The following CCT6B variants were observed in gnomAD, a reference collection of about 807,000 sequenced individuals.
The protein encoded by CCT6B is probable T-complex protein 1 subunit zeta-2.
CCT6B carries 49 observed loss-of-function variants against 61.5 expected under a neutral mutation model. That is an observed-to-expected ratio of 0.80 (90% CI 0.63 to 1.01). CCT6B has a LOEUF of 1.01. Ranked by LOEUF, CCT6B falls within the 50% of genes least tolerant of loss-of-function variation. The pLI is 0.00. For missense variants in CCT6B, 666 were observed against 634.7 expected (o/e 1.05, Z -0.53); for synonymous variants, 228 against 214.5 (o/e 1.06, Z -0.55).
intron 13 of CCT6B, among the ~76,000 whole-genome samples, chr17:34,928,519 C>T (rs556784494): frequency 9.1e-4 from 139 of 152,252 alleles, no homozygotes; most frequent in African/African-American, 3.1e-3. Flanking sequence ...GTGATTCACC[C>T]GCCTCGGCCT....
chr17:34,956,515 C>T (rs1410327894), intron 3 of CCT6B, among the ~76,000 whole-genome samples: 1 of 152,144 alleles, frequency 6.6e-6, no homozygotes, highest in Non-Finnish European at 1.5e-5. Flanking sequence ...GTTAGCATCT[C>T]ACCCTTGCCA....
At chr17:34,937,576 G>C (rs983070361) in intron 10 of CCT6B, among the ~76,000 whole-genome samples, 3 of 152,022 alleles carry the variant, frequency 2.0e-5, no homozygotes, top group African/African-American at 7.2e-5. Flanking sequence ...AACTTAAAAT[G>C]AATCACAGAC....
intron 3 of CCT6B, among the ~76,000 whole-genome samples, chr17:34,956,433 C>T (rs1257717915): frequency 6.6e-6 from 1 of 152,168 alleles, no homozygotes; most frequent in Non-Finnish European, 1.5e-5. Context: ...GGACGTCCCT[C>T]CAGCCTCAGT....
Position 34,929,793 on chromosome 17 carries a change from C to T in CCT6B, c.1451-759G>A, listed in dbSNP as rs529062865. Among the ~76,000 whole-genome samples, 49 of 152,206 alleles carry T rather than the reference C, an allele frequency of 3.2e-4. No individual in the cohort carries two copies. The South Asian group carries it at 9.1e-3, about 28-fold the overall frequency. On this transcript the variant is annotated intron_variant, in intron 12 of 13. Transcript: ENST00000314144. ...CCTCCCAGAGTGCTGGGATTACAGG[C>T]GTGAGCCACTGCGCCTGGCCTGACT...
At chr17:34,941,943 T>A (rs1166428771) in intron 7 of CCT6B, among the ~76,000 whole-genome samples, 1 of 151,130 alleles carries the variant, frequency 6.6e-6, no homozygotes, top group Non-Finnish European at 1.5e-5. Flanking sequence ...GAAGCTGAGG[T>A]GGAAAGATCA....
chr17:34,956,236 T>C (rs374852343), intron 3 of CCT6B, among the ~76,000 whole-genome samples: 1 of 152,210 alleles, frequency 6.6e-6, no homozygotes, highest in Non-Finnish European at 1.5e-5. Context: ...ACCAAAATGC[T>C]TGTAGCTTCA....
intron 5 of CCT6B, among the ~76,000 whole-genome samples, chr17:34,947,212 A>G (rs2090233969): frequency 6.6e-6 from 1 of 152,218 alleles, no homozygotes; most frequent in South Asian, 2.1e-4. Flanking sequence ...ATTTAACTGG[A>G]GAAGGAGAAG....
intron 1 of CCT6B, among the ~76,000 whole-genome samples, chr17:34,960,352 G>A (rs1018820122): frequency 1.3e-5 from 2 of 152,148 alleles, no homozygotes; most frequent in African/African-American, 4.8e-5. Context: ...AATATACCAT[G>A]TTTTGTTTCG....
intron 11 of CCT6B, 135 bp downstream of exon 11, chr17:34,932,232 A>G (rs2090043422): frequency 1.3e-6 from 1 of 775,794 alleles, no homozygotes; most frequent in East Asian, 2.9e-5. Flanking sequence ...GTTGTAAAAT[A>G]TCTAAGAGAA....
At chr17:34,939,465 C>CT in intron 9 of CCT6B, 135 bp from the exon 10 acceptor site, 1 of 843,800 alleles carries the variant, frequency 1.2e-6, no homozygotes, top group East Asian at 2.7e-5. Flanking sequence ...TATCTGAACT[C>CT]TTAACAAACA....
At chr17:34,934,102 C>T (rs2090067785) in intron 10 of CCT6B, among the ~76,000 whole-genome samples, 1 of 145,242 alleles carries the variant, frequency 6.9e-6, no homozygotes, top group African/African-American at 2.6e-5. Context: ...GCACTCCAGC[C>T]TAGGTGACAG....
chr17:34,954,921 T>A (rs577094184), intron 3 of CCT6B, among the ~76,000 whole-genome samples: 2 of 152,290 alleles, frequency 1.3e-5, no homozygotes, highest in Non-Finnish European at 2.9e-5. Flanking sequence ...GAACCACCAC[T>A]GAATTGGGGA....
intron 5 of CCT6B, among the ~76,000 whole-genome samples, chr17:34,945,702 G>C (rs2090215801): frequency 6.6e-6 from 1 of 152,148 alleles, no homozygotes; most frequent in Admixed American, 6.5e-5. Flanking sequence ...ACCTTCTGAA[G>C]TATAAATCAA....
chr17:34,955,235 C>A (rs1243735926), intron 3 of CCT6B, among the ~76,000 whole-genome samples: 1 of 152,124 alleles, frequency 6.6e-6, no homozygotes, highest in Non-Finnish European at 1.5e-5. Context: ...CAACTGAGTG[C>A]AATGCATGAA....
Position 34,939,604 on chromosome 17 carries a change from T to C in CCT6B, c.1065+13A>G, listed in dbSNP as rs200442034. On this transcript the variant is annotated intron_variant, in intron 9 of 13. Coordinates refer to ENST00000314144, the MANE Select transcript of CCT6B (RefSeq NM_006584.4). ...GTATTCACTTTATAACCACTGTTCA[T>C]AGAAATACTCACTAATGTATACTCA... 1.8e-4 allele frequency: 267 copies of C among 1,506,060 alleles called. 1 individual carries two copies. The African/African-American group carries it at 3.1e-3, about 17-fold the overall frequency. The allele number at this position is 1,506,060 out of a possible 1,614,324, so 93.3% of individuals were successfully genotyped here.
intron 5 of CCT6B, among the ~76,000 whole-genome samples, chr17:34,951,286 G>A (rs1375908264): frequency 6.7e-6 from 1 of 149,412 alleles, no homozygotes; most frequent in Non-Finnish European, 1.5e-5. Flanking sequence ...GGGGGTTTAT[G>A]TTTTATGGAT....
intron 4 of CCT6B, among the ~76,000 whole-genome samples, chr17:34,953,980 A>C (rs951230069): frequency 6.6e-6 from 1 of 151,788 alleles, no homozygotes; most frequent in African/African-American, 2.4e-5. Context: ...GAAATAAACT[A>C]AACAAACATA....
At position 34,927,926 on chromosome 17, in the gene CCT6B, C is replaced by A; in HGVS notation, c.*122G>T. 3.4e-6 allele frequency: 2 copies of A among 583,798 alleles called. No homozygotes were observed. The highest frequency in any genetic ancestry group is 5.9e-6 in the Non-Finnish European group (2 of 337,656). The allele number at this position is 583,798 out of a possible 1,614,324, so 36.2% of individuals were successfully genotyped here. A position where few individuals can be genotyped will look rare whatever the true frequency, so the allele number is the denominator to read the frequency against. On this transcript the variant is annotated 3_prime_UTR_variant, in exon 14 of 14. Transcript: ENST00000314144. The stretch of plus-strand genomic sequence containing the variant: ...GAAATATTTTTGAGACTATTAAGAC[C>A]CAAAAGACATAAACTGCATTTATTG...
intron 5 of CCT6B, among the ~76,000 whole-genome samples, chr17:34,949,092 G>T (rs112055110): frequency 4.6e-3 from 2 of 438 alleles, no homozygotes; most frequent in Non-Finnish European, 0.018. Context: ...GAGGGGAGGG[G>T]AGGGAAAAGA....
Sources: allele counts gnomAD v4.1 joint callset (sites outside exome capture counted in the v4.1 genomes callset), GRCh38; gene constraint gnomAD v4.1.1; transcripts MANE v1.5; gene names NCBI Gene and HGNC (gene_info 2026-07-23, HGNC 2026-07-21).